NBPF19: variants seen among roughly 807,000 people sequenced by gnomAD.
The protein encoded by NBPF19 is NBPF family member NBPF19.
In NBPF19, 30 loss-of-function variants were observed where a neutral mutation model predicts 45.9. The observed-to-expected ratio is 0.65, with a 90% CI of 0.49 to 0.89. The LOEUF (loss-of-function observed/expected upper bound fraction) is 0.89, where lower values mean the gene tolerates loss of function less well. Ranked by LOEUF, NBPF19 falls within the 40% of genes least tolerant of loss-of-function variation. The pLI, the probability that NBPF19 is intolerant of heterozygous loss-of-function variation, is 0.00. For missense variants in NBPF19, 495 were observed against 471.8 expected, an observed-to-expected ratio of 1.05 and a Z score of -0.46; for synonymous variants, 183 against 181.2, an observed-to-expected ratio of 1.01 and a Z score of -0.08.
Position 149,554,859 on chromosome 1 carries a change from G to T in NBPF19, c.*121G>T, listed in dbSNP as rs1409966550. The T allele has an allele frequency of 5.2e-6, 8 of 1,527,800 alleles. No homozygotes were observed. The East Asian group carries it at 1.1e-4, about 22-fold the overall frequency. The allele number at this position is 1,527,800 out of a possible 1,614,324, so 94.6% of individuals were successfully genotyped here. On this transcript the variant is annotated 3_prime_UTR_variant, in exon 94 of 94. Coordinates refer to ENST00000651566, the MANE Select transcript of NBPF19 (RefSeq NM_001351365.2). ...GACATAGGATGGGTCAGTGGGCATG[G>T]CTCTTTTCCTATTCTCAAACCATGC... is the stretch of plus-strand genomic sequence containing the variant.
chr1:149,478,877 T>G lies in NBPF19; in HGVS notation c.279-3T>G. On this transcript the variant is annotated splice_polypyrimidine_tract_variant and splice_region_variant and intron_variant, in intron 3 of 93. Coordinates refer to ENST00000651566, the MANE Select transcript of NBPF19 (RefSeq NM_001351365.2). The stretch of plus-strand genomic sequence containing the variant: ...TTAAATTTTCTCTACCGTCTCACCT[T>G]AGGCAATATAAAGTCCTGTTTCACT... 1 of 1,602,044 alleles carries G rather than the reference T, an allele frequency of 6.2e-7. No homozygotes were observed. The highest frequency in any genetic ancestry group is 8.5e-7 in the Non-Finnish European group (1 of 1,171,442).
rs2087175693 is a variant in NBPF19 at position 149,554,404 on chromosome 1, A to T, written c.11289-91A>T. On this transcript the variant is annotated intron_variant, in intron 93 of 93. Coordinates refer to ENST00000651566, the MANE Select transcript of NBPF19 (RefSeq NM_001351365.2). Reference sequence around the variant, plus strand: ...ATGGATCTATCCTTTTTCTTTTCTAACCACTTCCTTATGTGACTTCTGAAA... The same window carrying T: ...ATGGATCTATCCTTTTTCTTTTCTATCCACTTCCTTATGTGACTTCTGAAA... 1.0e-5 allele frequency: 16 copies of T among 1,602,560 alleles called. No individual in the cohort carries two copies. In the Admixed American group the frequency reaches 1.2e-4, roughly 12 times the overall value.
chr1:149,487,869 A>T, intron 9 of NBPF19, 144 bp from the exon 10 acceptor site: 1 of 713,406 alleles, frequency 1.4e-6, no homozygotes, highest in Non-Finnish European at 2.6e-6. Context: ...CTATCCCAAC[A>T]TAAAGGCAAT....
chr1:149,554,584 A>T lies in NBPF19; in HGVS notation c.11378A>T (p.Glu3793Val), dbSNP rs1402469446. 8 of 1,608,248 alleles carry T rather than the reference A, an allele frequency of 5.0e-6. No homozygotes were observed. In the African/African-American group the frequency reaches 9.4e-5, roughly 19 times the overall value. The change falls in exon 94 of 94, where the codon GAA becomes GTA. Residue 3793 changes from glutamate (E) to valine (V), a missense_variant. Physicochemically the swap from Glu to Val is moderately radical, Grantham distance 121. Transcript: ENST00000651566. Reference protein sequence around the residue: ...GCYSTPSMYFELPDSFQHYRS... With the variant: ...GCYSTPSMYFVLPDSFQHYRS... ...TATTCGACTCCGTCAATGTACTTTG[A>T]ACTACCTGACTCATTCCAGCACTAC...
chr1:149,528,836 T>A (rs1293476347), intron 61 of NBPF19, among the ~76,000 whole-genome samples: 1 of 116,814 alleles, frequency 8.6e-6, no homozygotes, highest in Non-Finnish European at 1.8e-5. Context: ...GAGCACAGTC[T>A]TTTCATGATC....
At chr1:149,487,808 TG>T (rs2085686427) in intron 9 of NBPF19, among the ~76,000 whole-genome samples, 4 of 150,418 alleles carry the variant, frequency 2.7e-5, no homozygotes, top group East Asian at 3.9e-4. Flanking sequence ...TGTGTGTGTG[TG>T]TGTGTGTGTG....
chr1:149,486,347 C>A, intron 8 of NBPF19, 54 bp downstream of exon 8: 1 of 639,584 alleles, frequency 1.6e-6, no homozygotes, highest in Non-Finnish European at 2.8e-6. Context: ...CCAGGTAGAC[C>A]CCATAATCTT....
intron 9 of NBPF19, among the ~76,000 whole-genome samples, chr1:149,487,711 C>A (rs2085657857): frequency 6.7e-6 from 1 of 149,964 alleles, no homozygotes; most frequent in African/African-American, 2.5e-5. Context: ...CCTGAGAGCA[C>A]AAATACAGAG....
chr1:149,486,002 T>A, intron 7 of NBPF19, 128 bp from the exon 8 acceptor site: 1 of 175,560 alleles, frequency 5.7e-6, no homozygotes, highest in African/African-American at 1.9e-4. Context: ...TTATTTCTCT[T>A]GAAGGAAAAA....
rs2086384461 is a variant in NBPF19 at position 149,515,121 on chromosome 1, C to G, written c.5323+13C>G. On this transcript the variant is annotated intron_variant, in intron 44 of 93. Transcript: ENST00000651566. ...CTTGACGTGGGAGGTGAGTACCTTT[C>G]TATGAAGGTGATAAGCACCACTGAG... 6 of 976,886 alleles carry G rather than the reference C, an allele frequency of 6.1e-6. 1 individual carries two copies. The highest frequency in any genetic ancestry group is 9.5e-6 in the Non-Finnish European group (6 of 634,222). The allele number at this position is 976,886 out of a possible 1,614,324, so 60.5% of individuals were successfully genotyped here. A position where few individuals can be genotyped will look rare whatever the true frequency, so the allele number is the denominator to read the frequency against.
chr1:149,487,335 A>T lies in NBPF19; in HGVS notation c.992A>T (p.His331Leu). Residue 331 changes from histidine (H) to leucine (L), a missense_variant, in exon 9 of 94, where the codon CAT becomes CTT. By Grantham distance (99) the His-to-Leu change is moderately conservative (BLOSUM62 -3). Around this residue, in one of 8 missense-constraint regions of NBPF19, gnomAD observed 146 missense variants for 67.3 expected, o/e 2.17. Coordinates refer to ENST00000651566, the MANE Select transcript of NBPF19 (RefSeq NM_001351365.2). Reference sequence around the variant, plus strand: ...GCCCATCTGAATTTATTTGCAGGACATCGCTGGGATCAAGTGAAAAAGGAG... The same window carrying T: ...GCCCATCTGAATTTATTTGCAGGACTTCGCTGGGATCAAGTGAAAAAGGAG... The part of the protein sequence containing the change: ...QVCMAVDIGR[H>L]RWDQVKKEDQ... 2 of 1,565,496 alleles carry T rather than the reference A, an allele frequency of 1.3e-6. No homozygotes were observed. The highest frequency in any genetic ancestry group is 1.1e-5 in the South Asian group (1 of 90,410).
chr1:149,519,558 TG>T (rs2086628531), intron 49 of NBPF19, 129 bp from the exon 50 acceptor site: 1 of 104,448 alleles, frequency 9.6e-6, no homozygotes, highest in Non-Finnish European at 1.5e-5. Context: ...GGCAATAATT[TG>T]TTACCTCATT....
intron 9 of NBPF19, 147 bp from the exon 10 acceptor site, chr1:149,487,866 A>C (rs1232662701): frequency 2.8e-6 from 2 of 706,864 alleles, no homozygotes; most frequent in African/African-American, 3.6e-5. Flanking sequence ...AGTCTATCCC[A>C]ACATAAAGGC....
At position 149,554,635 on chromosome 1, in the gene NBPF19, A is replaced by G; in HGVS notation, c.11429A>G (p.Glu3810Gly). The G allele has an allele frequency of 1.9e-6, 3 of 1,608,370 alleles. No individual in the cohort carries two copies. Among genetic ancestry groups the G allele is most frequent in the Non-Finnish European group, 2.5e-6 (3 of 1,176,780 alleles). Residue 3810 changes from glutamate (E) to glycine (G), a missense_variant, in exon 94 of 94, where the codon GAA becomes GGA. Physicochemically the swap from Glu to Gly is moderately conservative, Grantham distance 98. Around this residue, in one of 8 missense-constraint regions of NBPF19, gnomAD observed 248 missense variants for 95.4 expected, o/e 2.60. Transcript: ENST00000651566. Reference sequence around the variant, plus strand: ...AGAAGTGTGTTTTACTCATTTGAGGAAGAGCATATCAGCTTCGCCCTTTAC... The same window carrying G: ...AGAAGTGTGTTTTACTCATTTGAGGGAGAGCATATCAGCTTCGCCCTTTAC... ...HYRSVFYSFE[E>G]EHISFALYLD...
chr1:149,479,301 CT>C (rs1387665564), intron 4 of NBPF19, among the ~76,000 whole-genome samples: 1 of 147,712 alleles, frequency 6.8e-6, no homozygotes, highest in Non-Finnish European at 1.5e-5. Context: ...TCCCTCCTTC[CT>C]TGATGGAAGG....
intron 2 of NBPF19, among the ~76,000 whole-genome samples, chr1:149,477,718 A>G (rs1367123774): frequency 2.6e-5 from 4 of 151,250 alleles, no homozygotes; most frequent in Non-Finnish European, 5.9e-5. Flanking sequence ...CATCTTGTCA[A>G]CTTCCTTGAT....
At chr1:149,487,236 C>G in intron 8 of NBPF19, 96 bp from the exon 9 acceptor site, 1 of 845,976 alleles carries the variant, frequency 1.2e-6, no homozygotes, top group South Asian at 1.3e-5. Flanking sequence ...CTCACACTGA[C>G]AAGACTGATG....
chr1:149,484,343 G>A, intron 7 of NBPF19, among the ~76,000 whole-genome samples: 1 of 81,248 alleles, frequency 1.2e-5, no homozygotes, highest in African/African-American at 5.1e-5. Context: ...ACTGGGGCCT[G>A]TTGTAGGGTG....
intron 8 of NBPF19, among the ~76,000 whole-genome samples, chr1:149,486,758 T>G (rs1402733801): frequency 2.6e-5 from 4 of 151,402 alleles, no homozygotes; most frequent in South Asian, 4.2e-4. Context: ...CAGGTTTCAC[T>G]GAGTTTATTC....
Sources: allele counts gnomAD v4.1 joint callset (sites outside exome capture counted in the v4.1 genomes callset), GRCh38; gene constraint gnomAD v4.1.1; regional missense constraint gnomAD v4.1.1; transcripts MANE v1.5; gene names NCBI Gene and HGNC (gene_info 2026-07-23, HGNC 2026-07-21).